SLC26A2: variants seen among roughly 807,000 people sequenced by gnomAD.
The protein encoded by SLC26A2 is solute carrier family 26 member 2, also known as sulfate transporter.
A neutral mutation model predicts 41.1 loss-of-function variants in SLC26A2; 36 were observed. That is an observed-to-expected ratio of 0.88 (90% CI 0.67 to 1.16). The LOEUF (loss-of-function observed/expected upper bound fraction) is 1.16, where lower values mean the gene tolerates loss of function less well. Ranked by LOEUF, SLC26A2 falls within the 50% of genes most tolerant of loss-of-function variation. SLC26A2 has a pLI of 0.00. For synonymous variants in SLC26A2, 291 were observed against 311.6 expected (o/e 0.93, Z 0.70); for missense variants, 796 against 869.6 (o/e 0.92, Z 1.07).
intron 1 of SLC26A2, among the ~76,000 whole-genome samples, chr5:149,973,119 G>A (rs1754933475): frequency 6.6e-6 from 1 of 151,806 alleles, no homozygotes; most frequent in South Asian, 2.1e-4. Flanking sequence ...AGGAGTTTGA[G>A]ACCAGCCTGG....
At chr5:149,963,838 C>G (rs1754757898) in intron 1 of SLC26A2, among the ~76,000 whole-genome samples, 1 of 142,320 alleles carries the variant, frequency 7.0e-6, no homozygotes, top group African/African-American at 2.7e-5. Context: ...CTGCCTTGGC[C>G]TCTCAAAGCG....
chr5:149,973,089 T>G (rs1200011756), intron 1 of SLC26A2, among the ~76,000 whole-genome samples: 2 of 152,074 alleles, frequency 1.3e-5, no homozygotes, highest in Non-Finnish European at 2.9e-5. Context: ...GAGACCAAAG[T>G]AGGAGGATCA....
In SLC26A2 at chr5:149,981,984, T is replaced by C. The variant is rs1257134189; in HGVS notation, c.*171T>C. The stretch of plus-strand genomic sequence containing the variant: ...TTGTATATACACACTGCAGCAGAGC[T>C]TGTAGCTGGACAGAGTCAAAAAGAA... On this transcript the variant is annotated 3_prime_UTR_variant, in exon 3 of 3. Coordinates refer to ENST00000286298, the MANE Select transcript of SLC26A2 (RefSeq NM_000112.4). 1.7e-6 allele frequency: 1 copy of C among 600,230 alleles called. No individual in the cohort carries two copies. Among genetic ancestry groups the C allele is most frequent in the Non-Finnish European group, 2.9e-6 (1 of 341,468 alleles). 37.2% of individuals were successfully genotyped at this position (600,230 alleles called of 1,614,324 possible). A position where few individuals can be genotyped will look rare whatever the true frequency, so the allele number is the denominator to read the frequency against.
At chr5:149,962,264 G>A (rs138426718) in intron 1 of SLC26A2, 99 of 152,130 alleles carry the variant, frequency 6.5e-4, no homozygotes, top group African/African-American at 2.3e-3. Flanking sequence ...CCTAGGGGAA[G>A]ATCTAGAGGT....
intron 1 of SLC26A2, among the ~76,000 whole-genome samples, chr5:149,973,766 C>T (rs921245193): frequency 3.3e-5 from 5 of 152,164 alleles, no homozygotes; most frequent in African/African-American, 4.8e-5. Flanking sequence ...TCCCAAGTAG[C>T]TGGGACCATA....
Position 149,983,334 on chromosome 5 carries a change from T to C in SLC26A2, c.*1521T>C, listed in dbSNP as rs1022123724. The C allele has an allele frequency of 6.6e-6, 1 of 152,184 alleles. No homozygotes were observed. The allele number at this position is 152,184 out of a possible 1,614,324, so 9.4% of individuals were successfully genotyped here. A position where few individuals can be genotyped will look rare whatever the true frequency, so the allele number is the denominator to read the frequency against. ...TGGTGACATGGAAAATACCTTTCCA[T>C]TATCACAACAAAGCAGTTGCTCAGT... On this transcript the variant is annotated 3_prime_UTR_variant, in exon 3 of 3. Transcript: ENST00000286298.
chr5:149,968,378 A>G (rs1459009113), intron 1 of SLC26A2, among the ~76,000 whole-genome samples: 1 of 151,966 alleles, frequency 6.6e-6, no homozygotes, highest in Admixed American at 6.6e-5. Context: ...TCTACCAGCA[A>G]TGTATCAAAT....
At chr5:149,975,087 A>G (rs765193005) in intron 1 of SLC26A2, among the ~76,000 whole-genome samples, 1 of 151,998 alleles carries the variant, frequency 6.6e-6, no homozygotes, top group African/African-American at 2.4e-5. Flanking sequence ...TATGTTTGAT[A>G]CTTTGATGTG....
intron 1 of SLC26A2, among the ~76,000 whole-genome samples, chr5:149,965,773 G>A (rs2113687322): frequency 6.6e-6 from 1 of 152,200 alleles, no homozygotes; most frequent in East Asian, 1.9e-4. Context: ...ATTATCTGAT[G>A]TATATACACT....
chr5:149,962,781 G>T (rs1021245041), intron 1 of SLC26A2, among the ~76,000 whole-genome samples: 6 of 152,246 alleles, frequency 3.9e-5, no homozygotes, highest in African/African-American at 1.4e-4. Flanking sequence ...GAAGAGTGGG[G>T]TTGGAGAGTT....
At position 149,978,225 on chromosome 5, in the gene SLC26A2, T is replaced by C. The variant is rs137932620; in HGVS notation, c.573T>C (p.Ala191=). ...CTGGCTATGACAATGCCCATAGTGCTCCTTCCTTAGGAATGGTTTCAAATG... is the reference window on the plus strand; with the variant it reads ...CTGGCTATGACAATGCCCATAGTGCCCCTTCCTTAGGAATGGTTTCAAATG... ...QKAGYDNAHS[A]PSLGMVSNGS... is the part of the protein sequence containing the mutation. Residue 191 remains alanine, a synonymous_variant, in exon 2 of 3, where the codon GCT becomes GCC. Coordinates refer to ENST00000286298, the MANE Select transcript of SLC26A2 (RefSeq NM_000112.4). 6.2e-7 allele frequency: 1 copy of C among 1,614,176 alleles called. No homozygotes were observed. Among genetic ancestry groups the C allele is most frequent in the Non-Finnish European group, 8.5e-7 (1 of 1,179,988 alleles).
intron 1 of SLC26A2, among the ~76,000 whole-genome samples, chr5:149,968,384 C>T (rs1347709631): frequency 1.3e-5 from 2 of 151,984 alleles, no homozygotes; most frequent in Non-Finnish European, 2.9e-5. Flanking sequence ...AGCAATGTAT[C>T]AAATGTATCA....
intron 2 of SLC26A2, among the ~76,000 whole-genome samples, chr5:149,979,854 T>C (rs1755062236): frequency 6.6e-6 from 1 of 152,256 alleles, no homozygotes; most frequent in African/African-American, 2.4e-5. Flanking sequence ...GACTTCACTT[T>C]TACAGTAGTG....
In SLC26A2 at chr5:149,968,700, G is replaced by A. The variant is rs149725868; in HGVS notation, c.-26+7721G>A. On this transcript the variant is annotated intron_variant, in intron 1 of 2. Coordinates refer to ENST00000286298, the MANE Select transcript of SLC26A2 (RefSeq NM_000112.4). ...CTCCCAAAGTGCTGGGATTACAGGC[G>A]TGAGCTACCGTGCCCGGCCTCAACT... is the stretch of plus-strand genomic sequence containing the variant. 1.4e-3 allele frequency among the ~76,000 whole-genome samples: 216 copies of A among 151,256 alleles called. 1 individual carries two copies. The highest frequency in any genetic ancestry group is 4.0e-3 in the African/African-American group (163 of 41,174).
intron 1 of SLC26A2, among the ~76,000 whole-genome samples, chr5:149,961,512 A>G (rs1000448357): frequency 6.6e-6 from 1 of 152,208 alleles, no homozygotes; most frequent in African/African-American, 2.4e-5. Flanking sequence ...CTGAGAAGAC[A>G]GAGAGGGCCC....
At position 149,982,754 on chromosome 5, in the gene SLC26A2, A is replaced by C. The variant is rs1755132212; in HGVS notation, c.*941A>C. ...TGAGTTTGATGTACAGTAAATATTGATGACAATGACAGCTTTTAACTCTTC... is the reference window on the plus strand; with the variant it reads ...TGAGTTTGATGTACAGTAAATATTGCTGACAATGACAGCTTTTAACTCTTC... On this transcript the variant is annotated 3_prime_UTR_variant, in exon 3 of 3. Coordinates refer to ENST00000286298, the MANE Select transcript of SLC26A2 (RefSeq NM_000112.4). 6.6e-6 allele frequency: 1 copy of C among 152,196 alleles called. No individual in the cohort carries two copies. The highest frequency in any genetic ancestry group is 2.4e-5 in the African/African-American group (1 of 41,438). 9.4% of individuals were successfully genotyped at this position (152,196 alleles called of 1,614,324 possible). A position where few individuals can be genotyped will look rare whatever the true frequency, so the allele number is the denominator to read the frequency against.
intron 1 of SLC26A2, among the ~76,000 whole-genome samples, chr5:149,974,742 T>TTG (rs397772243): frequency 6.7e-6 from 1 of 148,916 alleles, no homozygotes; most frequent in Non-Finnish European, 1.5e-5. Flanking sequence ...TTTTTTTTTT[T>TTG]GAGAAGGAGT....
At chr5:149,974,318 C>T (rs1479576731) in intron 1 of SLC26A2, among the ~76,000 whole-genome samples, 1 of 151,750 alleles carries the variant, frequency 6.6e-6, no homozygotes, top group African/African-American at 2.4e-5. Flanking sequence ...TTTTCAGCAG[C>T]TTGAATATCA....
intron 1 of SLC26A2, among the ~76,000 whole-genome samples, chr5:149,965,182 C>T (rs2113686852): frequency 6.6e-6 from 1 of 152,216 alleles, no homozygotes; most frequent in Admixed American, 6.5e-5. Context: ...CATGATTCCC[C>T]TACTTACAAG....
Sources: allele counts gnomAD v4.1 joint callset (sites outside exome capture counted in the v4.1 genomes callset), GRCh38; gene constraint gnomAD v4.1.1; transcripts MANE v1.5; gene names NCBI Gene and HGNC (gene_info 2026-07-23, HGNC 2026-07-21).